SATL1: variants seen among roughly 807,000 people sequenced by gnomAD.
SATL1 encodes the protein spermidine/spermine N(1)-acetyltransferase-like protein 1.
SATL1 carries 47 observed loss-of-function variants against 51.8 expected under a neutral mutation model. The observed-to-expected ratio is 0.91, with a 90% CI of 0.72 to 1.16. The LOEUF is 1.16. Among genes scored for constraint, SATL1 ranks in the 50% most tolerant of loss-of-function variants. SATL1 has a pLI of 0.00. For missense variants in SATL1, 520 were observed against 526.4 expected, an observed-to-expected ratio of 0.99 and a Z score of 0.12; for synonymous variants, 176 against 182.4, an observed-to-expected ratio of 0.97 and a Z score of 0.28.
At chrX:85,152,054 C>T (rs1311814823) in intron 2 of SATL1, among the ~76,000 whole-genome samples, 7 of 109,657 alleles carry the variant, frequency 6.4e-5, no homozygotes, top group Non-Finnish European at 9.5e-5. Context: ...AGAAAATTTT[C>T]GCAACCTACT....
At chrX:85,197,632 T>A (rs1490074052) in intron 2 of SATL1, among the ~76,000 whole-genome samples, 1 of 107,543 alleles carries the variant, frequency 9.3e-6, no homozygotes, top group Non-Finnish European at 1.9e-5. Flanking sequence ...CATCTCCTAA[T>A]GCTATCCCTC....
At chrX:85,127,277 G>A (rs765422711) in intron 2 of SATL1, among the ~76,000 whole-genome samples, 70 of 110,661 alleles carry the variant, frequency 6.3e-4, no homozygotes, top group Non-Finnish European at 7.4e-4. Context: ...TATAAGGCAG[G>A]GATAATATTT....
At chrX:85,122,037 C>A (rs1273062806) in intron 2 of SATL1, among the ~76,000 whole-genome samples, 5 of 105,859 alleles carry the variant, frequency 4.7e-5, no homozygotes, top group Non-Finnish European at 7.9e-5. Flanking sequence ...AAAAAAAAAA[C>A]CCTCAACTCT....
At chrX:85,145,528 CTA>C (rs990882654) in intron 2 of SATL1, among the ~76,000 whole-genome samples, 5 of 111,257 alleles carry the variant, frequency 4.5e-5, no homozygotes, top group Admixed American at 9.6e-5. Context: ...AGGAAGAAAT[CTA>C]TGAGTATGAA....
chrX:85,103,225 C>G (rs1475641491), intron 4 of SATL1, among the ~76,000 whole-genome samples: 1 of 111,074 alleles, frequency 9.0e-6, no homozygotes, highest in Non-Finnish European at 1.9e-5. Flanking sequence ...ACAAAACATC[C>G]CATAACTTCC....
chrX:85,179,920 A>C (rs192399780), intron 2 of SATL1, among the ~76,000 whole-genome samples: 194 of 109,402 alleles, frequency 1.8e-3, no homozygotes, highest in South Asian at 7.1e-3. Context: ...TTAAAAAAAA[A>C]ACACACACAC....
intron 2 of SATL1, among the ~76,000 whole-genome samples, chrX:85,198,073 G>C (rs1361046611): frequency 9.0e-6 from 1 of 111,516 alleles, no homozygotes; most frequent in Non-Finnish European, 1.9e-5. Context: ...AAATAAGTGA[G>C]AACATGTAAA....
chrX:85,208,183 C>T (rs979944069), intron 2 of SATL1, among the ~76,000 whole-genome samples: 1 of 110,842 alleles, frequency 9.0e-6, no homozygotes, highest in Non-Finnish European at 1.9e-5. Context: ...ATAGTCTGCT[C>T]AGAATGTTGG....
In SATL1 at chrX:85,147,201, C is replaced by A. The variant is rs766400765; in HGVS notation, c.-312-37921G>T. The stretch of plus-strand genomic sequence containing the variant: ...CCTGGCTCAGAGGGTCCTACGCCCA[C>A]GGAGTCTTGCTGATTGCTAGCACAG... On this transcript the variant is annotated intron_variant, in intron 2 of 7. Coordinates refer to ENST00000644105, the MANE Select transcript of SATL1 (RefSeq NM_001367857.2). Among the ~76,000 whole-genome samples, 4 of 106,030 alleles carry A rather than the reference C, an allele frequency of 3.8e-5. No individual in the cohort carries two copies. In the East Asian group the frequency reaches 1.1e-3, roughly 30 times the overall value. The allele number at this position is 106,030 out of a possible 115,157, so 92.1% of individuals were successfully genotyped here. A position where few individuals can be genotyped will look rare whatever the true frequency, so the allele number is the denominator to read the frequency against.
In SATL1 at chrX:85,183,408, CTT is replaced by C. The variant is rs1178359645; in HGVS notation, c.-313+40795_-313+40796del. ...ATATATGGATTAATTTCTGGGCTCT[CTT>C]TTCTATACCATTGGCCTATGTATCT... On this transcript the variant is annotated intron_variant, in intron 2 of 7. Coordinates refer to ENST00000644105, the MANE Select transcript of SATL1 (RefSeq NM_001367857.2). Among the ~76,000 whole-genome samples, 4 of 110,033 alleles carry C rather than the reference CTT, an allele frequency of 3.6e-5. No individual in the cohort carries two copies. In the Admixed American group the frequency reaches 3.9e-4, roughly 11 times the overall value.
chrX:85,241,226 T>C (rs1928585744), intron 1 of SATL1, among the ~76,000 whole-genome samples: 1 of 110,835 alleles, frequency 9.0e-6, no homozygotes, highest in Non-Finnish European at 1.9e-5. Flanking sequence ...AATGCTTTAT[T>C]TGGGTACACA....
At chrX:85,197,663 A>C (rs1927598567) in intron 2 of SATL1, among the ~76,000 whole-genome samples, 2 of 90,684 alleles carry the variant, frequency 2.2e-5, no homozygotes, top group African/African-American at 4.1e-5. Flanking sequence ...ACACCCCACA[A>C]CAGTCCCCAG....
intron 2 of SATL1, among the ~76,000 whole-genome samples, chrX:85,142,395 C>CA (rs1212348825): frequency 0.1 from 4,456 of 42,822 alleles, 259 homozygotes; most frequent in East Asian, 0.42. Context: ...GACTCCATCT[C>CA]AAAAAAAAAA....
intron 2 of SATL1, among the ~76,000 whole-genome samples, chrX:85,200,800 G>C (rs1191025680): frequency 9.1e-6 from 1 of 110,219 alleles, no homozygotes; most frequent in Non-Finnish European, 1.9e-5. Context: ...GTTTTACACA[G>C]GCATAACATA....
intron 1 of SATL1, among the ~76,000 whole-genome samples, chrX:85,236,129 T>G (rs976649620): frequency 1.3e-4 from 15 of 111,378 alleles, no homozygotes; most frequent in African/African-American, 4.5e-4. Flanking sequence ...CTACGAAGAT[T>G]GAACCATGAA....
chrX:85,142,059 C>A (rs1926120196), intron 2 of SATL1, among the ~76,000 whole-genome samples: 1 of 103,327 alleles, frequency 9.7e-6, no homozygotes, highest in South Asian at 5.6e-4. Context: ...TAAGTACATA[C>A]TTTATTGCTA....
chrX:85,095,408 T>C (rs887034129), intron 4 of SATL1, among the ~76,000 whole-genome samples: 1 of 111,830 alleles, frequency 8.9e-6, no homozygotes, highest in Admixed American at 9.5e-5. Flanking sequence ...TTAACTGCCA[T>C]TGTTCCAACC....
chrX:85,156,281 T>C (rs1926584327), intron 2 of SATL1: 1 of 111,566 alleles, frequency 9.0e-6, no homozygotes, highest in Non-Finnish European at 1.9e-5. Flanking sequence ...ATTAAGCAAA[T>C]GCTCTATCCT....
intron 2 of SATL1, among the ~76,000 whole-genome samples, chrX:85,138,730 T>G (rs73627324): frequency 0.021 from 2,289 of 111,516 alleles, 52 homozygotes; most frequent in African/African-American, 0.07. Context: ...ACAGCATTTC[T>G]TTTGAGGAGT....
Sources: gnomAD v4.1 joint callset for allele counts (sites outside exome capture counted in the v4.1 genomes callset) on GRCh38, gnomAD v4.1.1 for gene constraint, MANE v1.5 for transcripts, NCBI Gene and HGNC (gene_info 2026-07-23, HGNC 2026-07-21) for gene names.